Variants in PJA2 observed in about 807,000 individuals in gnomAD.
PJA2 encodes the protein praja ring finger ubiquitin ligase 2.
A neutral mutation model predicts 69.3 loss-of-function variants in PJA2; 25 were observed. The observed-to-expected ratio is 0.36, with a 90% CI of 0.26 to 0.50. The LOEUF is 0.50. Among genes scored for constraint, PJA2 ranks in the 20% least tolerant of loss-of-function variants. The pLI is 0.96. For missense variants in PJA2, 809 were observed against 830.2 expected, an observed-to-expected ratio of 0.97 and a Z score of 0.31; for synonymous variants, 308 against 277.8, an observed-to-expected ratio of 1.11 and a Z score of -1.08.
intron 1 of PJA2, among the ~76,000 whole-genome samples, chr5:109,398,674 G>A (rs920775889): frequency 5.9e-5 from 9 of 151,340 alleles, no homozygotes; most frequent in African/African-American, 2.2e-4. Context: ...TATACCTAAT[G>A]TAAATGACGA....
chr5:109,350,872 G>C (rs1408280496), intron 7 of PJA2, among the ~76,000 whole-genome samples: 1 of 152,102 alleles, frequency 6.6e-6, no homozygotes, highest in Non-Finnish European at 1.5e-5. Flanking sequence ...ACAGTCTTAA[G>C]ATAATCAGTT....
chr5:109,407,435 C>G (rs2127021634), intron 1 of PJA2, among the ~76,000 whole-genome samples: 1 of 152,260 alleles, frequency 6.6e-6, no homozygotes, highest in Non-Finnish European at 1.5e-5. Flanking sequence ...AAAGCTTCAC[C>G]AAACATCATA....
At position 109,368,577 on chromosome 5, in the gene PJA2, A is replaced by G; in HGVS notation, c.1453T>C (p.Leu485=). 6.2e-7 allele frequency: 1 copy of G among 1,613,672 alleles called. No individual in the cohort carries two copies. The highest frequency in any genetic ancestry group is 8.5e-7 in the Non-Finnish European group (1 of 1,179,838). ...SSGPEEENQE[L]SLQEGEQTSL... ...TGAACATACCCTTCCTGAAGAGATA[A>G]TTCTTGGTTTTCTTCTTCAGGGCCA... Residue 485 remains leucine, a synonymous_variant, in exon 5 of 10, where the codon TTA becomes CTA. Transcript: ENST00000361189.
chr5:109,397,705 GT>G (rs1747448990), intron 1 of PJA2, among the ~76,000 whole-genome samples: 1 of 151,356 alleles, frequency 6.6e-6, no homozygotes, highest in Non-Finnish European at 1.5e-5. Context: ...TTTTTTTCTA[GT>G]AGAAACAGGG....
chr5:109,356,635 G>A lies in PJA2; in HGVS notation c.1653-609C>T, dbSNP rs116790346. 2.2e-3 allele frequency among the ~76,000 whole-genome samples: 332 copies of A among 152,192 alleles called. 3 individuals carry two copies. The highest frequency in any genetic ancestry group is 7.4e-3 in the African/African-American group (306 of 41,518). On this transcript the variant is annotated intron_variant, in intron 6 of 9. Transcript: ENST00000361189. ...CAGTTTCCAATCCGCATGTAGGTGA[G>A]AATATGATAAAGAAAATAACCATAT...
chr5:109,359,884 G>A (rs1440087641), intron 6 of PJA2, among the ~76,000 whole-genome samples: 2 of 152,076 alleles, frequency 1.3e-5, no homozygotes, highest in Non-Finnish European at 2.9e-5. Context: ...AATGGTCTTG[G>A]ATGTCGGAAA....
intron 7 of PJA2, among the ~76,000 whole-genome samples, chr5:109,354,307 T>C (rs1762359116): frequency 6.8e-6 from 1 of 146,472 alleles, no homozygotes; most frequent in Non-Finnish European, 1.5e-5. Context: ...TCTAGAGATA[T>C]CTATAGATTA....
intron 1 of PJA2, among the ~76,000 whole-genome samples, chr5:109,387,719 T>G (rs1295297851): frequency 6.6e-6 from 1 of 152,218 alleles, no homozygotes; most frequent in East Asian, 1.9e-4. Context: ...CAGGATATTA[T>G]GCCAACAGAT....
intron 7 of PJA2, among the ~76,000 whole-genome samples, chr5:109,348,316 G>A (rs539064814): frequency 6.6e-6 from 1 of 152,272 alleles, no homozygotes; most frequent in South Asian, 2.1e-4. Flanking sequence ...AAGCATCCAC[G>A]ACAGCCCTAA....
chr5:109,405,676 T>C (rs1298868402), intron 1 of PJA2, among the ~76,000 whole-genome samples: 3 of 152,262 alleles, frequency 2.0e-5, no homozygotes, highest in Middle Eastern at 3.4e-3. Context: ...TAGAACTACA[T>C]ATACATTTGA....
intron 1 of PJA2, chr5:109,390,577 A>G (rs1273968993): frequency 6.6e-6 from 1 of 152,044 alleles, no homozygotes; most frequent in African/African-American, 2.4e-5. Flanking sequence ...CACATTTAAC[A>G]TAATTACCAA....
chr5:109,399,742 A>C (rs536303162), intron 1 of PJA2, among the ~76,000 whole-genome samples: 225 of 152,264 alleles, frequency 1.5e-3, no homozygotes, highest in Non-Finnish European at 1.6e-3. Context: ...AGGAGGAAAA[A>C]ACCCTCTTTA....
At chr5:109,397,595 T>G (rs926063558) in intron 1 of PJA2, among the ~76,000 whole-genome samples, 6 of 151,998 alleles carry the variant, frequency 3.9e-5, no homozygotes, top group Non-Finnish European at 5.9e-5. Context: ...CTTGGCTCAC[T>G]GCAACCTCTG....
In PJA2 at chr5:109,335,311, A is replaced by G. The variant is rs559516619; in HGVS notation, c.*1920T>C. On this transcript the variant is annotated 3_prime_UTR_variant, in exon 10 of 10. Transcript: ENST00000361189. ...GAAGGACAGTAACAGATGGAAAGCA[A>G]AAAGTACAACAGCTATCTTAAGTTC... 1.3e-5 allele frequency: 2 copies of G among 152,770 alleles called. No homozygotes were observed. Among genetic ancestry groups the G allele is most frequent in the East Asian group, 3.9e-4 (2 of 5,190 alleles). 9.5% of individuals were successfully genotyped at this position (152,770 alleles called of 1,614,324 possible).
intron 4 of PJA2, among the ~76,000 whole-genome samples, chr5:109,373,205 A>G (rs1260394233): frequency 6.6e-6 from 1 of 152,128 alleles, no homozygotes; most frequent in Non-Finnish European, 1.5e-5. Flanking sequence ...AAAATTCAGC[A>G]GTAGAAAAGA....
chr5:109,360,595 C>T (rs911839347), intron 6 of PJA2, among the ~76,000 whole-genome samples: 1 of 152,118 alleles, frequency 6.6e-6, no homozygotes, highest in African/African-American at 2.4e-5. Flanking sequence ...GACGCTGCCA[C>T]ATAAATTAAT....
At chr5:109,376,905 T>C (rs1459700084) in intron 4 of PJA2, among the ~76,000 whole-genome samples, 3 of 151,992 alleles carry the variant, frequency 2.0e-5, no homozygotes, top group African/African-American at 7.2e-5. Context: ...TTTGAAAAAA[T>C]ACCCTCATTT....
At chr5:109,348,050 T>C (rs1320236264) in intron 7 of PJA2, among the ~76,000 whole-genome samples, 1 of 152,136 alleles carries the variant, frequency 6.6e-6, no homozygotes, top group Non-Finnish European at 1.5e-5. Context: ...CCAATGAGAA[T>C]GGGATGCTAT....
Position 109,362,942 on chromosome 5 carries a change from T to C in PJA2, c.1550A>G (p.Asn517Ser). 1.2e-6 allele frequency: 2 copies of C among 1,613,936 alleles called. No individual in the cohort carries two copies. The highest frequency in any genetic ancestry group is 1.7e-6 in the Non-Finnish European group (2 of 1,179,874). ...EVNESSSDEG[N>S]EPANEFAQPA... ...CTGTGCAAATTCATTGGCAGGTTCATTTCCCTCATCACTGCTGCTTTCATT... is the reference window on the plus strand; with the variant it reads ...CTGTGCAAATTCATTGGCAGGTTCACTTCCCTCATCACTGCTGCTTTCATT... Residue 517 changes from asparagine (N) to serine (S), a missense_variant, in exon 6 of 10, where the codon AAT (asparagine) becomes AGT (serine). Around this residue, in one of 4 missense-constraint regions of PJA2, gnomAD observed 700 missense variants for 639.5 expected, o/e 1.09. Coordinates refer to ENST00000361189, the MANE Select transcript of PJA2 (RefSeq NM_014819.5).
Sources: gnomAD v4.1 joint callset for allele counts (sites outside exome capture counted in the v4.1 genomes callset) on GRCh38, gnomAD v4.1.1 for gene constraint, gnomAD v4.1.1 regional missense constraint, MANE v1.5 for transcripts, NCBI Gene and HGNC (gene_info 2026-07-23, HGNC 2026-07-21) for gene names.